Variants in COL5A2 observed in about 807,000 individuals in gnomAD.
COL5A2 encodes collagen alpha-2(V) chain.
COL5A2 carries 23 observed loss-of-function variants against 208.2 expected under a neutral mutation model. The ratio of observed to expected loss-of-function variants is 0.11; its 90% CI spans 0.08 to 0.16. COL5A2 has a LOEUF of 0.16. Among genes scored for constraint, COL5A2 ranks in the 10% least tolerant of loss-of-function variants. The pLI is 1.00. For missense variants in COL5A2, 1,590 were observed against 1,956.4 expected (o/e 0.81, Z 3.53); for synonymous variants, 625 against 628.5 (o/e 0.99, Z 0.08).
intron 35 of COL5A2, among the ~76,000 whole-genome samples, chr2:189,056,203 G>A (rs1041892992): frequency 1.1e-4 from 16 of 152,128 alleles, no homozygotes; most frequent in Admixed American, 1.0e-3. Flanking sequence ...TGTTACAACT[G>A]TAATTGCCAG....
chr2:189,291,283 G>A, the COL5A2 span, among the ~76,000 whole-genome samples: 1 of 152,004 alleles, frequency 6.6e-6, no homozygotes, highest in African/African-American at 2.4e-5. Flanking sequence ...AATAGAGAAG[G>A]CTGAAAGGTT....
chr2:189,177,683 G>A, intron 1 of COL5A2, among the ~76,000 whole-genome samples: 1 of 152,094 alleles, frequency 6.6e-6, no homozygotes, highest in East Asian at 1.9e-4. Flanking sequence ...GGGTACTGGG[G>A]TTGGATTGGA....
In COL5A2 at chr2:189,080,811, T is replaced by C. The variant is rs558397596; in HGVS notation, c.906+179A>G. On this transcript the variant is annotated intron_variant, in intron 13 of 53. Transcript: ENST00000374866. ...AAATATATTTCTTTATCAAATCAAA[T>C]TAAACTCAAAGGAAATGTATTAAAA... 2.6e-5 allele frequency among the ~76,000 whole-genome samples: 4 copies of C among 152,226 alleles called. No homozygotes were observed. The East Asian group carries it at 7.7e-4, about 29-fold the overall frequency.
At chr2:189,063,728 T>A (rs1382467512) in intron 26 of COL5A2, among the ~76,000 whole-genome samples, 2 of 152,164 alleles carry the variant, frequency 1.3e-5, no homozygotes, top group Non-Finnish European at 2.9e-5. Context: ...AAAAACTATA[T>A]CATTTTAACA....
At chr2:189,130,019 C>T (rs989971618) in intron 1 of COL5A2, among the ~76,000 whole-genome samples, 13 of 152,062 alleles carry the variant, frequency 8.5e-5, no homozygotes, top group African/African-American at 3.1e-4. Flanking sequence ...ATCTTTTTCC[C>T]TCCTTATATT....
intron 1 of COL5A2, among the ~76,000 whole-genome samples, chr2:189,121,487 G>A (rs2105735764): frequency 6.6e-6 from 1 of 152,128 alleles, no homozygotes; most frequent in South Asian, 2.1e-4. Context: ...TATGTCCATG[G>A]GAAGGTGCCT....
chr2:189,265,712 A>C, the COL5A2 span, among the ~76,000 whole-genome samples: 1 of 152,218 alleles, frequency 6.6e-6, no homozygotes, highest in African/African-American at 2.4e-5. Flanking sequence ...ATACCTAATA[A>C]ATGTATAAAA....
chr2:189,425,044 G>A, the COL5A2 span, among the ~76,000 whole-genome samples: 1 of 152,132 alleles, frequency 6.6e-6, no homozygotes, highest in Non-Finnish European at 1.5e-5. Context: ...CACACAGTGG[G>A]GAAAGGACAG....
At chr2:189,282,016 T>C in the COL5A2 span, among the ~76,000 whole-genome samples, 1 of 152,080 alleles carries the variant, frequency 6.6e-6, no homozygotes, top group Non-Finnish European at 1.5e-5. Flanking sequence ...AAACCCCGTC[T>C]CTACCAAAAA....
chr2:189,390,623 A>G, the COL5A2 span, among the ~76,000 whole-genome samples: 3 of 152,242 alleles, frequency 2.0e-5, no homozygotes. Context: ...AAAAGTTTGG[A>G]TTAAGAAGAT....
intron 1 of COL5A2, among the ~76,000 whole-genome samples, chr2:189,164,900 TTGAG>T (rs1240878623): frequency 6.6e-6 from 1 of 152,234 alleles, no homozygotes; most frequent in East Asian, 1.9e-4. Context: ...TCTATCCACG[TTGAG>T]TTAGTAGAAG....
intron 1 of COL5A2, among the ~76,000 whole-genome samples, chr2:189,190,436 A>G (rs1409877170): frequency 1.3e-5 from 2 of 152,216 alleles, no homozygotes; most frequent in African/African-American, 4.8e-5. Context: ...AACACACTCA[A>G]GGGATACTTA....
chr2:189,285,990 T>A, the COL5A2 span, among the ~76,000 whole-genome samples: 48 of 152,032 alleles, frequency 3.2e-4, no homozygotes, highest in African/African-American at 1.2e-3. Context: ...TCTCTGACAC[T>A]ACCTTATTCC....
the COL5A2 span, among the ~76,000 whole-genome samples, chr2:189,327,366 G>C: frequency 1.3e-5 from 2 of 152,042 alleles, no homozygotes; most frequent in Admixed American, 1.3e-4. Flanking sequence ...TGAGGGTTGG[G>C]CATGGGAATA....
chr2:189,215,818 A>G (rs141519577), intron 1 of COL5A2, among the ~76,000 whole-genome samples: 56 of 152,328 alleles, frequency 3.7e-4, no homozygotes, highest in African/African-American at 1.2e-3. Context: ...TCTAAATTAA[A>G]AAACTAGCTA....
intron 1 of COL5A2, among the ~76,000 whole-genome samples, chr2:189,218,420 C>T (rs966561102): frequency 5.3e-5 from 8 of 152,100 alleles, no homozygotes; most frequent in Non-Finnish European, 1.0e-4. Flanking sequence ...GAAACACAAA[C>T]GGTTACTAGG....
chr2:189,107,413 A>AT (rs1252183436), intron 2 of COL5A2, among the ~76,000 whole-genome samples: 1 of 151,014 alleles, frequency 6.6e-6, no homozygotes, highest in Non-Finnish European at 1.5e-5. Context: ...TCATTAGGTA[A>AT]TTTTTTCTTT....
chr2:189,065,088 G>C, intron 23 of COL5A2, 31 bp from the exon 24 acceptor site: 1 of 1,606,184 alleles, frequency 6.2e-7, no homozygotes, highest in Non-Finnish European at 8.5e-7. Context: ...ATTCTTAATT[G>C]TTGTTGATAT....
chr2:189,094,183 C>G (rs72906333), intron 6 of COL5A2, among the ~76,000 whole-genome samples: 3 of 152,004 alleles, frequency 2.0e-5, no homozygotes, highest in Non-Finnish European at 4.4e-5. Context: ...TATGTCTCCA[C>G]GGAATGCCCT....
Sources: gnomAD v4.1 joint callset for allele counts (sites outside exome capture counted in the v4.1 genomes callset) on GRCh38, gnomAD v4.1.1 for gene constraint, MANE v1.5 for transcripts, NCBI Gene and HGNC (gene_info 2026-07-23, HGNC 2026-07-21) for gene names.